CKAP2L: variants seen among roughly 807,000 people sequenced by gnomAD.
CKAP2L encodes cytoskeleton-associated protein 2-like.
CKAP2L carries 42 observed loss-of-function variants against 65.7 expected under a neutral mutation model. The observed-to-expected ratio is 0.64, with a 90% CI of 0.50 to 0.83. CKAP2L has a LOEUF of 0.83. Ranked by LOEUF, CKAP2L falls within the 40% of genes least tolerant of loss-of-function variation. CKAP2L has a pLI of 0.00. For missense variants in CKAP2L, 908 were observed against 871.0 expected, an observed-to-expected ratio of 1.04 and a Z score of -0.53; for synonymous variants, 325 against 313.5, an observed-to-expected ratio of 1.04 and a Z score of -0.39.
intron 4 of CKAP2L, among the ~76,000 whole-genome samples, chr2:112,754,130 T>C (rs1680462190): frequency 6.6e-6 from 1 of 152,230 alleles, no homozygotes; most frequent in African/African-American, 2.4e-5. Flanking sequence ...AGTCTGACTA[T>C]TATCAAGCTA....
At chr2:112,748,866 TAAA>T (rs200133244) in intron 5 of CKAP2L, among the ~76,000 whole-genome samples, 21 of 134,610 alleles carry the variant, frequency 1.6e-4, no homozygotes, top group African/African-American at 4.9e-4. Flanking sequence ...CCCTGTCTCT[TAAA>T]AAAAAAAAAA....
chr2:112,754,610 G>A (rs753579758), intron 4 of CKAP2L, among the ~76,000 whole-genome samples: 1 of 152,222 alleles, frequency 6.6e-6, no homozygotes, highest in Non-Finnish European at 1.5e-5. Flanking sequence ...CTCACTGTGT[G>A]CTCATCACTG....
In CKAP2L at chr2:112,757,058, A is replaced by C; in HGVS notation, c.313T>G (p.Ser105Ala). 1 of 1,614,172 alleles carries C rather than the reference A, an allele frequency of 6.2e-7. No individual in the cohort carries two copies. The part of the protein sequence containing the change: ...PPKLLGKRLT[S>A]ECVSSNPYSK... ...TATGGGTTAGAAGAAACACATTCTG[A>C]AGTCAGCCTTTTGCCCAGAAGTTTT... The change falls in exon 4 of 9, where the codon TCA (serine) becomes GCA (alanine). Residue 105 changes from serine (S) to alanine (A), a missense_variant. Ser to Ala is a moderately conservative substitution (Grantham distance 99). Coordinates refer to ENST00000302450, the MANE Select transcript of CKAP2L (RefSeq NM_152515.5).
intron 5 of CKAP2L, among the ~76,000 whole-genome samples, chr2:112,752,002 G>T (rs914614484): frequency 1.3e-5 from 2 of 152,084 alleles, no homozygotes; most frequent in African/African-American, 4.8e-5. Flanking sequence ...CAACTTCTTT[G>T]TGCCTCAGTT....
Position 112,742,697 on chromosome 2 carries a change from TA to T in CKAP2L, c.1822+8del. On this transcript the variant is annotated splice_region_variant and intron_variant, in intron 7 of 8. Transcript: ENST00000302450. Reference sequence around the variant, plus strand: ...GAGAAGATGAATTTAAATTCAAAAATAATAGTACCTTCTGTGGTTCTGTTTG... The same window carrying T: ...GAGAAGATGAATTTAAATTCAAAAATATAGTACCTTCTGTGGTTCTGTTTG... 1 of 1,556,582 alleles carries T rather than the reference TA, an allele frequency of 6.4e-7. No individual in the cohort carries two copies. The highest frequency in any genetic ancestry group is 8.8e-7 in the Non-Finnish European group (1 of 1,134,190).
At chr2:112,759,184 G>T (rs181360175) in intron 3 of CKAP2L, among the ~76,000 whole-genome samples, 202 of 152,132 alleles carry the variant, frequency 1.3e-3, no homozygotes, top group African/African-American at 4.5e-3. Context: ...CATATATCCC[G>T]GTTTTCACAA....
At chr2:112,747,720 C>T (rs186177085) in intron 5 of CKAP2L, among the ~76,000 whole-genome samples, 12 of 152,052 alleles carry the variant, frequency 7.9e-5, no homozygotes, top group Non-Finnish European at 1.5e-4. Context: ...ATGGGGGAGA[C>T]GCAAAGGTAA....
intron 5 of CKAP2L, among the ~76,000 whole-genome samples, chr2:112,752,063 A>C (rs562554352): frequency 5.9e-5 from 9 of 152,354 alleles, no homozygotes; most frequent in Admixed American, 5.9e-4. Flanking sequence ...TATGTGAGAT[A>C]ATCTTAGCTA....
At position 112,744,205 on chromosome 2, in the gene CKAP2L, C is replaced by T. The variant is rs139945043; in HGVS notation, c.1759-1436G>A. ...TTTATTTCTAATCTCTCTTGAAAAT[C>T]GACTGAAAGGATAATAAAGGGATTA... is the stretch of plus-strand genomic sequence containing the variant. On this transcript the variant is annotated intron_variant, in intron 6 of 8. Transcript: ENST00000302450. 2.3e-3 allele frequency among the ~76,000 whole-genome samples: 356 copies of T among 152,166 alleles called. 2 individuals are homozygous for T. The highest frequency in any genetic ancestry group is 8.1e-3 in the African/African-American group (336 of 41,506).
In CKAP2L at chr2:112,756,174, A is replaced by G; in HGVS notation, c.1197T>C (p.Asn399=). Residue 399 remains asparagine (N), a synonymous_variant, in exon 4 of 9, where the codon AAT becomes AAC. Transcript: ENST00000302450. ...AIPSTPSIRP[N]GTSGNKHNNN... ...TGTTATGTTTATTACCACTGGTTCC[A>G]TTTGGTCTTATGCTAGGGGTGCTTG... 2 of 1,614,014 alleles carry G rather than the reference A, an allele frequency of 1.2e-6. No individual in the cohort carries two copies. Among genetic ancestry groups the G allele is most frequent in the Admixed American group, 1.7e-5 (1 of 60,014 alleles).
chr2:112,751,881 C>T (rs1040191), intron 5 of CKAP2L, among the ~76,000 whole-genome samples: 142,054 of 152,298 alleles, frequency 0.93, 66,373 homozygotes, highest in East Asian at 1. Flanking sequence ...CAACTTTACA[C>T]AGAAACTTGC....
At position 112,757,695 on chromosome 2, in the gene CKAP2L, G is replaced by A. The variant is rs539550182; in HGVS notation, c.157-481C>T. Among the ~76,000 whole-genome samples, 11 of 152,182 alleles carry A rather than the reference G, an allele frequency of 7.2e-5. 1 individual carries two copies. The South Asian group carries it at 2.3e-3, about 32-fold the overall frequency. ...ATGAGCCACCACACCTGTCCTAACA[G>A]GTAGTTTTTACAACTTGAGTTCCTA... On this transcript the variant is annotated intron_variant, in intron 3 of 8. Transcript: ENST00000302450.
Position 112,752,418 on chromosome 2 carries a change from A to G in CKAP2L, c.1451T>C (p.Met484Thr). The G allele has an allele frequency of 1.9e-6, 3 of 1,612,602 alleles. No homozygotes were observed. The highest frequency in any genetic ancestry group is 2.5e-6 in the Non-Finnish European group (3 of 1,178,966). ...TACTTTTCTTTTTGTTTTAAGTTCC[A>G]TAGGAGGCCGTTTATAGGTTTTTCC... is the stretch of plus-strand genomic sequence containing the variant. ...SKGKTYKRPPMELKTKRKVIK... is the reference protein window; with the variant it reads ...SKGKTYKRPPTELKTKRKVIK... The change falls in exon 5 of 9, where the codon ATG (methionine) becomes ACG (threonine). Residue 484 changes from methionine to threonine, a missense_variant. Met to Thr is a moderately conservative substitution (Grantham distance 81, BLOSUM62 -1). Coordinates refer to ENST00000302450, the MANE Select transcript of CKAP2L (RefSeq NM_152515.5).
At chr2:112,751,268 A>G (rs972919234) in intron 5 of CKAP2L, among the ~76,000 whole-genome samples, 1 of 152,244 alleles carries the variant, frequency 6.6e-6, no homozygotes, top group African/African-American at 2.4e-5. Context: ...AAAACACAAG[A>G]AAAGACAACC....
In CKAP2L at chr2:112,756,822, T is replaced by C. The variant is rs2104884876; in HGVS notation, c.549A>G (p.Thr183=). ...AGATATCGAGCAAGTTCTCTTTGTT[T>C]GTTTCTTTTAGAAAGTTATCCAAAG... The part of the protein sequence containing the change: ...NESLDNFLKE[T]NKENLLDILT... The change falls in exon 4 of 9, where the codon ACA becomes ACG. Residue 183 remains threonine (T), a synonymous_variant. Coordinates refer to ENST00000302450, the MANE Select transcript of CKAP2L (RefSeq NM_152515.5). 1 of 1,601,792 alleles carries C rather than the reference T, an allele frequency of 6.2e-7. No individual in the cohort carries two copies. Among genetic ancestry groups the C allele is most frequent in the South Asian group, 1.1e-5 (1 of 88,444 alleles).
At chr2:112,764,478 G>A (rs778202162) in intron 1 of CKAP2L, 84 bp downstream of exon 1, 68 of 1,473,036 alleles carry the variant, frequency 4.6e-5, no homozygotes, top group Non-Finnish European at 5.9e-5. Flanking sequence ...GGCACCTCCC[G>A]CGGGACGAAC....
chr2:112,759,449 C>A (rs781148140), intron 3 of CKAP2L, among the ~76,000 whole-genome samples: 2 of 152,092 alleles, frequency 1.3e-5, no homozygotes, highest in Non-Finnish European at 2.9e-5. Context: ...TCTGTAATTC[C>A]CTTCCTGAGT....
chr2:112,742,265 G>A (rs190185723), intron 7 of CKAP2L: 25 of 664,868 alleles, frequency 3.8e-5, no homozygotes, highest in Middle Eastern at 2.7e-4. Context: ...TCTTCTAAAG[G>A]TTATGACCAC....
At chr2:112,761,901 A>G (rs1177822891) in intron 2 of CKAP2L, among the ~76,000 whole-genome samples, 5 of 152,270 alleles carry the variant, frequency 3.3e-5, no homozygotes, top group Admixed American at 3.3e-4. Flanking sequence ...AAAGGGTGAA[A>G]GCTAACTTTG....
Sources: gnomAD v4.1 joint callset for allele counts (sites outside exome capture counted in the v4.1 genomes callset) on GRCh38, gnomAD v4.1.1 for gene constraint, MANE v1.5 for transcripts, NCBI Gene and HGNC (gene_info 2026-07-23, HGNC 2026-07-21) for gene names.